KIF7: variants seen among roughly 807,000 people sequenced by gnomAD.
The protein encoded by KIF7 is kinesin-like protein KIF7.
KIF7 carries 104 observed loss-of-function variants against 135.7 expected under a neutral mutation model. That is an observed-to-expected ratio of 0.77 (90% CI 0.65 to 0.90). KIF7 has a LOEUF of 0.90. Ranked by LOEUF, KIF7 falls within the 40% of genes least tolerant of loss-of-function variation. The pLI, the probability that KIF7 is intolerant of heterozygous loss-of-function variation, is 0.00. For synonymous variants in KIF7, 883 were observed against 809.4 expected (o/e 1.09, Z -1.54); for missense variants, 2,005 against 1,839.1 (o/e 1.09, Z -1.65).
At position 89,648,715 on chromosome 15, in the gene KIF7, G is replaced by A; in HGVS notation, c.983C>T (p.Pro328Leu). The change falls in exon 5 of 19, where the codon CCT (proline) becomes CTT (leucine). Residue 328 changes from proline (P) to leucine (L), a missense_variant. Coordinates refer to ENST00000394412, the MANE Select transcript of KIF7 (RefSeq NM_198525.3). ...AKTVMIACVS[P>L]SSSDFDETLN... Reference sequence around the variant, plus strand: ...GGTCTCGTCGAAGTCGGAGGAGGAAGGGCTGACGCAGGCGATCATCACCGT... The same window carrying A: ...GGTCTCGTCGAAGTCGGAGGAGGAAAGGCTGACGCAGGCGATCATCACCGT... 3 of 1,536,358 alleles carry A rather than the reference G, an allele frequency of 2.0e-6. No homozygotes were observed. The highest frequency in any genetic ancestry group is 1.7e-6 in the Non-Finnish European group (2 of 1,146,530).
At chr15:89,621,084 A>G (rs930995052) in intron 1 of KIF7, among the ~76,000 whole-genome samples, 5 of 149,656 alleles carry the variant, frequency 3.3e-5, no homozygotes, top group Non-Finnish European at 5.9e-5. Flanking sequence ...CAATGGTGCA[A>G]TGTCGTCTCA....
downstream of KIF7, chr15:89,624,403 TCA>T (rs775327891): frequency 5.6e-6 from 9 of 1,614,026 alleles, no homozygotes; most frequent in Non-Finnish European, 7.6e-6. Context: ...CCCTGAACTC[TCA>T]CAGAGAGCTA....
chr15:89,631,408 C>T (rs531269727), intron 15 of KIF7, 87 bp downstream of exon 15: 35 of 1,253,422 alleles, frequency 2.8e-5, no homozygotes, highest in Middle Eastern at 5.4e-4. Context: ...GCCCAGCACC[C>T]GCAGAGGGCT....
intron 16 of KIF7, 173 bp downstream of exon 16, chr15:89,630,114 T>TAA (rs1409371505): frequency 1.1e-5 from 7 of 662,550 alleles, no homozygotes; most frequent in Non-Finnish European, 1.8e-5. Flanking sequence ...AACTGGGTCT[T>TAA]AGTTTCACAA....
At chr15:89,638,689 G>A (rs1395516583) in intron 11 of KIF7, among the ~76,000 whole-genome samples, 1 of 150,892 alleles carries the variant, frequency 6.6e-6, no homozygotes, top group Admixed American at 6.6e-5. Flanking sequence ...TGGGTAGGAA[G>A]AATCAATATC....
chr15:89,624,874 TC>T (rs1456105736), downstream of KIF7: 1 of 1,614,000 alleles, frequency 6.2e-7, no homozygotes, highest in Admixed American at 1.7e-5. Flanking sequence ...TCTGATGCCT[TC>T]CCGTGACGTG....
chr15:89,631,515 C>A lies in KIF7; in HGVS notation c.3091G>T (p.Gly1031Trp), dbSNP rs1231255475. 1.3e-6 allele frequency: 2 copies of A among 1,580,298 alleles called. No homozygotes were observed. Among genetic ancestry groups the A allele is most frequent in the East Asian group, 2.3e-5 (1 of 43,308 alleles). ...RLEIDGKLRQ[G>W]SLLSPEEERT... Reference sequence around the variant, plus strand: ...GGTACCTCGGGGGACAGCAGACTCCCCTGCCTCAGCTTGCCGTCGATCTCC... The same window carrying A: ...GGTACCTCGGGGGACAGCAGACTCCACTGCCTCAGCTTGCCGTCGATCTCC... The change falls in exon 15 of 19, where the codon GGG (glycine) becomes TGG (tryptophan). Residue 1031 changes from glycine (G) to tryptophan (W), a missense_variant. By Grantham distance (184) the Gly-to-Trp change is radical. Coordinates refer to ENST00000394412, the MANE Select transcript of KIF7 (RefSeq NM_198525.3).
rs1054435 is a variant in KIF7 at position 89,628,075 on chromosome 15, A to G, written c.*344T>C. The G allele has an allele frequency of 0.38, 88,967 of 233,116 alleles. 18,664 individuals are homozygous for G. The highest frequency in any genetic ancestry group is 0.61 in the African/African-American group (26,753 of 44,130). 14.4% of individuals were successfully genotyped at this position (233,116 alleles called of 1,614,324 possible). On this transcript the variant is annotated 3_prime_UTR_variant, in exon 19 of 19. Coordinates refer to ENST00000394412, the MANE Select transcript of KIF7 (RefSeq NM_198525.3). ...AGACCATTTAAACCACAACCTGGTT[A>G]CCACCGACCCTTTCGTGATGATTCT... is the stretch of plus-strand genomic sequence containing the variant.
At chr15:89,642,815 C>T (rs1222324477) in intron 10 of KIF7, among the ~76,000 whole-genome samples, 1 of 152,192 alleles carries the variant, frequency 6.6e-6, no homozygotes, top group Non-Finnish European at 1.5e-5. Context: ...GTGATCCACC[C>T]ACCTTGGCCT....
chr15:89,620,794 C>T (rs1963411432), intron 1 of KIF7, among the ~76,000 whole-genome samples: 1 of 152,092 alleles, frequency 6.6e-6, no homozygotes, highest in African/African-American at 2.4e-5. Context: ...GCAATCTTGG[C>T]TCACTGCAAG....
chr15:89,619,777 A>T, intron 1 of KIF7: 7 of 1,614,006 alleles, frequency 4.3e-6, no homozygotes, highest in Non-Finnish European at 5.9e-6. Flanking sequence ...GCCTCCTTCT[A>T]TTCTGTGTCT....
rs1175568695 is a variant in KIF7, at chr15:89,630,303, C to T, written c.3302G>A (p.Cys1101Tyr). The change falls in exon 16 of 19, where the codon TGC becomes TAC. Residue 1101 changes from cysteine to tyrosine, a missense_variant. Cys to Tyr is a radical substitution (Grantham distance 194, BLOSUM62 -2). Transcript: ENST00000394412. ...CTGGCCCACCTTGTCAAAATACTTGCAGAGGAGGGCTCTGGTCTCTGAGGA... is the reference window on the plus strand; with the variant it reads ...CTGGCCCACCTTGTCAAAATACTTGTAGAGGAGGGCTCTGGTCTCTGAGGA... ...LSSSETRALL[C>Y]KYFDKVVTLR... is the part of the protein sequence containing the mutation. The T allele has an allele frequency of 6.2e-7, 1 of 1,614,086 alleles. No homozygotes were observed. The highest frequency in any genetic ancestry group is 1.7e-5 in the Admixed American group (1 of 60,020).
chr15:89,626,207 C>A, downstream of KIF7: 2 of 822,982 alleles, frequency 2.4e-6, no homozygotes, highest in South Asian at 1.9e-5. Flanking sequence ...CATGTGTGCC[C>A]TTCCCAGAGA....
rs141514601 is a variant in KIF7 at position 89,633,729 on chromosome 15, C to T, written c.2549G>A (p.Arg850Gln). 27 of 1,608,692 alleles carry T rather than the reference C, an allele frequency of 1.7e-5. No individual in the cohort carries two copies. Among genetic ancestry groups the T allele is most frequent in the Middle Eastern group, 1.7e-4 (1 of 5,868 alleles). Residue 850 changes from arginine to glutamine, a missense_variant, in exon 12 of 19, where the codon CGG becomes CAG. By Grantham distance (43) the Arg-to-Gln change is conservative. Coordinates refer to ENST00000394412, the MANE Select transcript of KIF7 (RefSeq NM_198525.3). ...CTTGCTCATTTCTGCCTCCAGGCGC[C>T]GCTTCTGCTCCGTCTCCTCGCGAAG... ...RRLREETEQKRRLEAEMSKRQ... is the reference protein window; with the variant it reads ...RRLREETEQKQRLEAEMSKRQ...
At position 89,628,670 on chromosome 15, in the gene KIF7, T is replaced by G. The variant is rs1282537053; in HGVS notation, c.3781A>C (p.Thr1261Pro). Reference protein sequence around the residue: ...LSPLTEGAPRTREETRDLVHA... With the variant: ...LSPLTEGAPRPREETRDLVHA... ...ACCAAGTCCCGCGTCTCCTCCCGGG[T>G]GCGGGGGGCCCCCTCAGTGAGGGGG... Residue 1261 changes from threonine to proline, a missense_variant, in exon 19 of 19, where the codon ACC (threonine) becomes CCC (proline). Thr to Pro is a conservative substitution (Grantham distance 38). Coordinates refer to ENST00000394412, the MANE Select transcript of KIF7 (RefSeq NM_198525.3). 6 of 1,612,714 alleles carry G rather than the reference T, an allele frequency of 3.7e-6. No individual in the cohort carries two copies. The highest frequency in any genetic ancestry group is 2.2e-5 in the South Asian group (2 of 91,068).
intron 18 of KIF7, 52 bp downstream of exon 18, chr15:89,628,924 T>C (rs988905709): frequency 1.9e-6 from 3 of 1,613,506 alleles, no homozygotes; most frequent in East Asian, 2.2e-5. Context: ...GTCTCTAAGC[T>C]TTCCCCAAAG....
chr15:89,619,977 C>G, intron 1 of KIF7: 5 of 1,066,314 alleles, frequency 4.7e-6, no homozygotes, highest in Non-Finnish European at 5.3e-6. Context: ...AGTTGAGGTT[C>G]AGGGTGATGG....
At chr15:89,623,474 G>A, downstream of KIF7, 2 of 826,468 alleles carry the variant, frequency 2.4e-6, no homozygotes, top group Non-Finnish European at 3.8e-6. Context: ...GTTTTGGAGA[G>A]GGAAACGGGT....
At chr15:89,623,041 T>C (rs1248096536), downstream of KIF7, among the ~76,000 whole-genome samples, 1 of 152,260 alleles carries the variant, frequency 6.6e-6, no homozygotes, top group Non-Finnish European at 1.5e-5. Context: ...AAGATAAGCA[T>C]TGATTTCCTT....
Sources: gnomAD v4.1 joint callset for allele counts (sites outside exome capture counted in the v4.1 genomes callset) on GRCh38, gnomAD v4.1.1 for gene constraint, MANE v1.5 for transcripts, NCBI Gene and HGNC (gene_info 2026-07-23, HGNC 2026-07-21) for gene names.